The following NHSL2 variants were observed in gnomAD, a reference collection of about 807,000 sequenced individuals.
NHSL2 encodes the protein NHS-like protein 2.
A neutral mutation model predicts 53.4 loss-of-function variants in NHSL2; 27 were observed. The ratio of observed to expected loss-of-function variants is 0.51; its 90% CI spans 0.37 to 0.70. The LOEUF (loss-of-function observed/expected upper bound fraction) is 0.70. Among genes scored for constraint, NHSL2 ranks in the 30% least tolerant of loss-of-function variants. The pLI, the probability that NHSL2 is intolerant of heterozygous loss-of-function variation, is 0.00. For synonymous variants in NHSL2, 408 were observed against 404.1 expected (o/e 1.01, Z -0.12); for missense variants, 892 against 980.1 (o/e 0.91, Z 1.20).
chrX:72,059,961 G>A (rs1344894280), intron 1 of NHSL2, among the ~76,000 whole-genome samples: 1 of 111,831 alleles, frequency 8.9e-6, no homozygotes, highest in African/African-American at 3.3e-5. Context: ...GCTTTACTGA[G>A]GGGCGGCTTG....
intron 1 of NHSL2, among the ~76,000 whole-genome samples, chrX:72,085,464 C>G (rs6525567): frequency 0.46 from 50,431 of 110,252 alleles, 8,506 homozygotes; most frequent in East Asian, 0.69. Context: ...ACCTTCTTAA[C>G]CACCTGTGAA....
chrX:72,015,008 A>G (rs1242537552), intron 1 of NHSL2, among the ~76,000 whole-genome samples: 1 of 110,758 alleles, frequency 9.0e-6, no homozygotes, highest in Admixed American at 9.7e-5. Context: ...TTTCTGTGGT[A>G]TTTGGCTAAA....
At chrX:72,049,046 G>GAGGAAGAAT (rs2042324559) in intron 1 of NHSL2, among the ~76,000 whole-genome samples, 3 of 108,994 alleles carry the variant, frequency 2.8e-5, no homozygotes, top group African/African-American at 1.0e-4. Context: ...AGAGGAAGAA[G>GAGGAAGAAT]AAGAAGAAGA....
chrX:72,016,677 AACACACACACAGAG>A (rs984634879), intron 1 of NHSL2, among the ~76,000 whole-genome samples: 87 of 108,936 alleles, frequency 8.0e-4, no homozygotes, highest in African/African-American at 2.8e-3. Context: ...CACACACACA[AACACACACACAGAG>A]ACACACACAT....
intron 1 of NHSL2, among the ~76,000 whole-genome samples, chrX:72,005,721 G>A (rs1001402209): frequency 9.0e-6 from 1 of 111,695 alleles, no homozygotes; most frequent in Admixed American, 9.5e-5. Flanking sequence ...TTATAGAGAT[G>A]TAAGATGATT....
chrX:71,969,895 T>C (rs1174383910), intron 1 of NHSL2, among the ~76,000 whole-genome samples: 1 of 112,079 alleles, frequency 8.9e-6, no homozygotes, highest in East Asian at 2.8e-4. Context: ...AAGTATGGTA[T>C]TGGCTGTGGG....
chrX:72,111,642 T>C (rs952609190), intron 1 of NHSL2, among the ~76,000 whole-genome samples: 12 of 112,097 alleles, frequency 1.1e-4, no homozygotes, highest in African/African-American at 3.6e-4. Flanking sequence ...GTAGCAGTTC[T>C]GTAGTAGCAT....
chrX:71,955,283 T>C (rs1213027340), intron 1 of NHSL2, among the ~76,000 whole-genome samples: 1 of 111,848 alleles, frequency 8.9e-6, no homozygotes, highest in African/African-American at 3.3e-5. Context: ...TGAGATTGAA[T>C]GCTATGAAAA....
chrX:71,996,004 T>G (rs1454828899), intron 1 of NHSL2, among the ~76,000 whole-genome samples: 1 of 112,280 alleles, frequency 8.9e-6, no homozygotes, highest in Non-Finnish European at 1.9e-5. Flanking sequence ...ACAGATCACG[T>G]AGGGGAAGGA....
At chrX:71,937,040 T>C (rs1013191148) in intron 1 of NHSL2, among the ~76,000 whole-genome samples, 3 of 111,939 alleles carry the variant, frequency 2.7e-5, no homozygotes, top group African/African-American at 9.7e-5. Context: ...TAAGATCACA[T>C]AGCAAGTAAA....
chrX:71,911,415 C>A (rs2041601550), intron 1 of NHSL2, 48 bp downstream of exon 1: 8 of 1,000,811 alleles, frequency 8.0e-6, no homozygotes, highest in Admixed American at 4.3e-5. Context: ...TACCCCGCCT[C>A]TAGGGGCGCC....
rs774459227 is a variant in NHSL2, at chrX:71,988,401, A to G, written c.280+77034A>G. Reference sequence around the variant, plus strand: ...ATTAATTCAAAGAGAATAGCAGTTAATAGTAGTGCCAAACTCGTTCTTAGT... The same window carrying G: ...ATTAATTCAAAGAGAATAGCAGTTAGTAGTAGTGCCAAACTCGTTCTTAGT... On this transcript the variant is annotated intron_variant, in intron 1 of 7. Transcript: ENST00000633930. Among the ~76,000 whole-genome samples, 4 of 111,718 alleles carry G rather than the reference A, an allele frequency of 3.6e-5. No homozygotes were observed. The Admixed American group carries it at 3.8e-4, about 11-fold the overall frequency.
At chrX:72,112,405 A>T (rs756230360) in intron 1 of NHSL2, among the ~76,000 whole-genome samples, 2 of 111,968 alleles carry the variant, frequency 1.8e-5, no homozygotes, top group Non-Finnish European at 3.8e-5. Flanking sequence ...TGACTCTTAG[A>T]ATATTCCCAG....
At chrX:71,959,331 T>G (rs6525553) in intron 1 of NHSL2, among the ~76,000 whole-genome samples, 1 of 111,715 alleles carries the variant, frequency 9.0e-6, no homozygotes, top group Admixed American at 9.4e-5. Context: ...CTGAACAAAT[T>G]TATCGTATGA....
intron 1 of NHSL2, among the ~76,000 whole-genome samples, chrX:72,111,803 G>A (rs2042095623): frequency 9.0e-6 from 1 of 111,472 alleles, no homozygotes; most frequent in African/African-American, 3.3e-5. Context: ...CTTGCCATGC[G>A]CCAAGCACTG....
intron 1 of NHSL2, among the ~76,000 whole-genome samples, chrX:72,104,959 T>C (rs952803290): frequency 1.8e-5 from 2 of 112,217 alleles, no homozygotes; most frequent in East Asian, 5.6e-4. Flanking sequence ...AAAAGGTTTG[T>C]TGGGAACTGC....
chrX:71,988,982 G>A (rs2042015025), intron 1 of NHSL2, among the ~76,000 whole-genome samples: 1 of 110,957 alleles, frequency 9.0e-6, no homozygotes, highest in African/African-American at 3.3e-5. Context: ...TTCTTTTTTG[G>A]TTACCCCAGT....
At chrX:72,023,335 A>T (rs1374049859) in intron 1 of NHSL2, among the ~76,000 whole-genome samples, 3 of 112,790 alleles carry the variant, frequency 2.7e-5, no homozygotes, top group Non-Finnish European at 3.8e-5. Flanking sequence ...AGGCTGGCGG[A>T]TGCTGGAGGC....
intron 1 of NHSL2, among the ~76,000 whole-genome samples, chrX:71,917,181 C>T (rs1041502805): frequency 6.3e-5 from 7 of 111,179 alleles, no homozygotes; most frequent in African/African-American, 2.3e-4. Context: ...ATGCACAAGA[C>T]CACTAGGTAT....
Sources: gnomAD v4.1 joint callset for allele counts (sites outside exome capture counted in the v4.1 genomes callset) on GRCh38, gnomAD v4.1.1 for gene constraint, MANE v1.5 for transcripts, NCBI Gene and HGNC (gene_info 2026-07-23, HGNC 2026-07-21) for gene names.